The following EGFL6 variants were observed in gnomAD, a reference collection of about 807,000 sequenced individuals.
The protein encoded by EGFL6 is EGF like domain multiple 6.
In EGFL6, 42 loss-of-function variants were observed where a neutral mutation model predicts 43.1. The ratio of observed to expected loss-of-function variants is 0.98; its 90% CI spans 0.76 to 1.26. The LOEUF (loss-of-function observed/expected upper bound fraction) is 1.26, where lower values mean the gene tolerates loss of function less well. Ranked by LOEUF, EGFL6 falls within the 50% of genes most tolerant of loss-of-function variation. The pLI is 0.00. For missense variants in EGFL6, 429 were observed against 427.8 expected, an observed-to-expected ratio of 1.00 and a Z score of -0.02; for synonymous variants, 164 against 163.2, an observed-to-expected ratio of 1.01 and a Z score of -0.04.
intron 9 of EGFL6, among the ~76,000 whole-genome samples, chrX:13,622,236 G>A (rs781001341): frequency 7.1e-5 from 8 of 111,958 alleles, no homozygotes; most frequent in Admixed American, 9.5e-5. Flanking sequence ...GAAAGGGACC[G>A]TATGTGCTCA....
chrX:13,626,989 C>A, intron 10 of EGFL6, 22 bp from the exon 11 acceptor site: 2 of 1,200,589 alleles, frequency 1.7e-6, no homozygotes. Context: ...ATTAATTGTG[C>A]ATTTTTTCCC....
At chrX:13,600,177 C>T in intron 4 of EGFL6, 83 bp downstream of exon 4, 2 of 999,604 alleles carry the variant, frequency 2.0e-6, no homozygotes, top group Middle Eastern at 3.1e-4. Context: ...AAGCTGACTT[C>T]AGTGATTTTT....
chrX:13,592,335 G>A lies in EGFL6; in HGVS notation c.188-2501G>A, dbSNP rs1209935995. 5.4e-5 allele frequency among the ~76,000 whole-genome samples: 6 copies of A among 112,122 alleles called. No individual in the cohort carries two copies. In the East Asian group the frequency reaches 1.7e-3, roughly 31 times the overall value. ...TTCTCTCTCTTTTGTCTCTAAAAGT[G>A]GAAAAACCTTGCTGGGGAAGCATTT... On this transcript the variant is annotated intron_variant, in intron 2 of 11. Coordinates refer to ENST00000361306, the MANE Select transcript of EGFL6 (RefSeq NM_015507.4).
intron 5 of EGFL6, among the ~76,000 whole-genome samples, chrX:13,605,938 G>A (rs1260195586): frequency 1.8e-5 from 2 of 112,537 alleles, no homozygotes; most frequent in Non-Finnish European, 3.8e-5. Context: ...AATGCAAATT[G>A]TAAAAGTCTG....
chrX:13,594,869 G>A lies in EGFL6; in HGVS notation c.221G>A (p.Cys74Tyr). ...GAACCTGGATGTAAGTTTGGTGAGTGCGTGGGACCAAACAAATGCAGATGC... is the reference window on the plus strand; with the variant it reads ...GAACCTGGATGTAAGTTTGGTGAGTACGTGGGACCAAACAAATGCAGATGC... ...TCEPGCKFGECVGPNKCRCFP... is the reference protein window; with the variant it reads ...TCEPGCKFGEYVGPNKCRCFP... The change falls in exon 3 of 12, where the codon TGC (cysteine) becomes TAC (tyrosine). Residue 74 changes from cysteine to tyrosine, a missense_variant. Transcript: ENST00000361306. 8.3e-7 allele frequency: 1 copy of A among 1,211,208 alleles called. No homozygotes were observed.
intron 8 of EGFL6, 105 bp downstream of exon 8, chrX:13,618,158 G>T: frequency 2.4e-6 from 2 of 829,914 alleles, no homozygotes. Flanking sequence ...AGTAAAATGG[G>T]TTGGGTCTTA....
intron 9 of EGFL6, among the ~76,000 whole-genome samples, chrX:13,622,101 T>C (rs985331357): frequency 1.8e-5 from 2 of 112,474 alleles, no homozygotes; most frequent in African/African-American, 6.5e-5. Flanking sequence ...TAGCACTCAT[T>C]GAAGAATACT....
intron 11 of EGFL6, among the ~76,000 whole-genome samples, chrX:13,630,869 G>A (rs1225795855): frequency 8.9e-6 from 1 of 112,398 alleles, no homozygotes; most frequent in Non-Finnish European, 1.9e-5. Context: ...ATAATTGCAT[G>A]ATGGCATTGT....
intron 4 of EGFL6, among the ~76,000 whole-genome samples, chrX:13,600,484 T>C (rs1179198084): frequency 1.9e-5 from 2 of 107,513 alleles, no homozygotes; most frequent in Non-Finnish European, 3.8e-5. Flanking sequence ...ATGGGGTTTC[T>C]TCGTGTTGGT....
In EGFL6 at chrX:13,619,000, G is replaced by T. The variant is rs373804070; in HGVS notation, c.1103-163G>T. Among the ~76,000 whole-genome samples, 469 of 112,420 alleles carry T rather than the reference G, an allele frequency of 4.2e-3. 2 individuals carry two copies. The highest frequency in any genetic ancestry group is 0.013 in the African/African-American group (407 of 30,982). On this transcript the variant is annotated intron_variant, in intron 8 of 11. Transcript: ENST00000361306. ...AAAGATGTTTTAGATGAGGAAACTG[G>T]ATCCAATGTGAATTATTTGGAAATG...
intron 1 of EGFL6, among the ~76,000 whole-genome samples, chrX:13,576,386 C>T (rs973124876): frequency 3.6e-5 from 4 of 111,960 alleles, no homozygotes; most frequent in South Asian, 3.8e-4. Context: ...TCCACCCTCA[C>T]GATCCAGTCA....
intron 7 of EGFL6, among the ~76,000 whole-genome samples, chrX:13,610,884 A>G (rs922308194): frequency 1.3e-3 from 148 of 110,734 alleles, no homozygotes; most frequent in African/African-American, 4.6e-3. Context: ...GAGCTCCCTA[A>G]TCCTATTGAG....
rs1032553068 is a variant in EGFL6, at chrX:13,633,142, T to A, written c.*47T>A. 2.8e-6 allele frequency: 3 copies of A among 1,057,760 alleles called. No individual in the cohort carries two copies. Among genetic ancestry groups the A allele is most frequent in the Non-Finnish European group, 3.8e-6 (3 of 782,239 alleles). The allele number at this position is 1,057,760 out of a possible 1,213,427, so 87.2% of individuals were successfully genotyped here. On this transcript the variant is annotated 3_prime_UTR_variant, in exon 12 of 12. Coordinates refer to ENST00000361306, the MANE Select transcript of EGFL6 (RefSeq NM_015507.4). ...ACTTTGTATGTCAGTTCCCTGGTTTTTTTGATATTGCATCATAGGACCTCT... is the reference window on the plus strand; with the variant it reads ...ACTTTGTATGTCAGTTCCCTGGTTTATTTGATATTGCATCATAGGACCTCT...
In EGFL6 at chrX:13,627,049, C is replaced by T; in HGVS notation, c.1324C>T (p.His442Tyr). 1 of 1,212,032 alleles carries T rather than the reference C, an allele frequency of 8.3e-7. No homozygotes were observed. The highest frequency in any genetic ancestry group is 1.1e-6 in the Non-Finnish European group (1 of 895,563). ...FYMAVPALAG[H>Y]KKDIGRLKLL... Reference sequence around the variant, plus strand: ...TATGGCAGTTCCGGCCTTGGCAGGTCACAAGAAAGACATTGGCCGATTGAA... The same window carrying T: ...TATGGCAGTTCCGGCCTTGGCAGGTTACAAGAAAGACATTGGCCGATTGAA... Residue 442 changes from histidine (H) to tyrosine (Y), a missense_variant, in exon 11 of 12, where the codon CAC becomes TAC. By Grantham distance (83) the His-to-Tyr change is moderately conservative. Transcript: ENST00000361306.
chrX:13,569,617 T>A lies in EGFL6; in HGVS notation c.-245T>A. On this transcript the variant is annotated 5_prime_UTR_variant, in exon 1 of 12. Transcript: ENST00000361306. ...CCCTCCCTCGCTCACCCCGTCCAGC[T>A]TCATCCGCAGAGGAGCCTCGGCCAG... 3.5e-6 allele frequency: 1 copy of A among 289,423 alleles called. No homozygotes were observed. Among genetic ancestry groups the A allele is most frequent in the African/African-American group, 2.8e-5 (1 of 35,822 alleles). The allele number at this position is 289,423 out of a possible 1,213,427, so 23.9% of individuals were successfully genotyped here.
At position 13,633,125 on chromosome X, in the gene EGFL6, T is replaced by C. The variant is rs778123654; in HGVS notation, c.*30T>C. ...TACTATCTTTATATTTGACTTTGTA[T>C]GTCAGTTCCCTGGTTTTTTTGATAT... On this transcript the variant is annotated 3_prime_UTR_variant, in exon 12 of 12. Coordinates refer to ENST00000361306, the MANE Select transcript of EGFL6 (RefSeq NM_015507.4). 1.8e-6 allele frequency: 2 copies of C among 1,127,127 alleles called. No homozygotes were observed. Among genetic ancestry groups the C allele is most frequent in the East Asian group, 3.2e-5 (1 of 31,306 alleles). The allele number at this position is 1,127,127 out of a possible 1,213,427, so 92.9% of individuals were successfully genotyped here.
Position 13,619,150 on chromosome X carries a change from T to C in EGFL6, c.1103-13T>C. Reference sequence around the variant, plus strand: ...AAGGTTTTTTTCTTAACTGACCAAGTGTTCTTTATTAGTCCCTAAGGTGAA... The same window carrying C: ...AAGGTTTTTTTCTTAACTGACCAAGCGTTCTTTATTAGTCCCTAAGGTGAA... On this transcript the variant is annotated splice_polypyrimidine_tract_variant and intron_variant, in intron 8 of 11. Transcript: ENST00000361306. 2 of 1,205,100 alleles carry C rather than the reference T, an allele frequency of 1.7e-6. No homozygotes were observed. Among genetic ancestry groups the C allele is most frequent in the Non-Finnish European group, 2.2e-6 (2 of 889,483 alleles).
chrX:13,627,723 C>T (rs375233186), intron 11 of EGFL6, among the ~76,000 whole-genome samples: 18 of 111,601 alleles, frequency 1.6e-4, no homozygotes, highest in African/African-American at 2.6e-4. Context: ...TCAGTGATTC[C>T]GTAAAAGGAC....
At chrX:13,613,751 T>G (rs185663595) in intron 7 of EGFL6, among the ~76,000 whole-genome samples, 71 of 111,722 alleles carry the variant, frequency 6.4e-4, no homozygotes, top group Non-Finnish European at 4.9e-4. Flanking sequence ...GGAGTAGGAG[T>G]AATAGTGACA....
Sources: allele counts gnomAD v4.1 joint callset (sites outside exome capture counted in the v4.1 genomes callset), GRCh38; gene constraint gnomAD v4.1.1; transcripts MANE v1.5; gene names NCBI Gene and HGNC (gene_info 2026-07-23, HGNC 2026-07-21).